The following FANCM variants were observed in gnomAD, a reference collection of about 807,000 sequenced individuals.
The protein encoded by FANCM is Fanconi anemia group M protein.
A neutral mutation model predicts 199.5 loss-of-function variants in FANCM; 140 were observed. The ratio of observed to expected loss-of-function variants is 0.70; its 90% confidence interval spans 0.61 to 0.81. The LOEUF is 0.81. FANCM is among the 30% of genes least tolerant of loss of function. The probability of loss-of-function intolerance (pLI) is 0.00; values close to 1 mark genes in which losing one functional copy is unlikely to be tolerated. For synonymous variants in FANCM, 840 were observed against 836.8 expected (o/e 1.00, Z -0.07); for missense variants, 2,410 against 2,421.4 (o/e 1.00, Z 0.10).
chr14:45,195,461 T>G (rs760346232), intron 20 of FANCM: 7 of 443,626 alleles, frequency 1.6e-5, no homozygotes, highest in Non-Finnish European at 3.1e-5. Flanking sequence ...TAATAAACGT[T>G]TAACTGTTTT....
intron 4 of FANCM, among the ~76,000 whole-genome samples, chr14:45,150,637 A>ATCAT (rs1886752207): frequency 6.6e-6 from 1 of 152,192 alleles, no homozygotes; most frequent in Non-Finnish European, 1.5e-5. Flanking sequence ...GACATACCTT[A>ATCAT]TCATTCACAT....
intron 14 of FANCM, 92 bp from the exon 15 acceptor site, chr14:45,181,338 A>G (rs1889053022): frequency 1.4e-6 from 1 of 706,820 alleles, no homozygotes; most frequent in East Asian, 2.7e-5. Context: ...TGCGTGAAAT[A>G]ATTCTTAATG....
chr14:45,139,523 A>G (rs896893384), intron 2 of FANCM, among the ~76,000 whole-genome samples: 4 of 152,200 alleles, frequency 2.6e-5, no homozygotes, highest in Admixed American at 6.5e-5. Context: ...GAATCTGGCA[A>G]ATTATCCCAG....
chr14:45,169,411 A>G (rs1259617133), intron 11 of FANCM, among the ~76,000 whole-genome samples: 2 of 125,520 alleles, frequency 1.6e-5, no homozygotes, highest in African/African-American at 6.0e-5. Context: ...TTAATTTTTT[A>G]TTTTTTACAT....
At chr14:45,187,445 A>C (rs1889473944) in intron 18 of FANCM, among the ~76,000 whole-genome samples, 1 of 151,904 alleles carries the variant, frequency 6.6e-6, no homozygotes, top group African/African-American at 2.4e-5. Flanking sequence ...TTTTTTTGAA[A>C]CTTCTATAAA....
intron 10 of FANCM, among the ~76,000 whole-genome samples, chr14:45,165,457 A>T (rs1412160073): frequency 6.6e-6 from 1 of 152,138 alleles, no homozygotes; most frequent in Non-Finnish European, 1.5e-5. Context: ...CTGAGGCAGG[A>T]GAATCGCTTG....
intron 11 of FANCM, chr14:45,167,379 T>TA: frequency 1.9e-6 from 1 of 532,466 alleles, no homozygotes; most frequent in Non-Finnish European, 3.3e-6. Flanking sequence ...TGGGGAAAAT[T>TA]AAACATACCC....
At chr14:45,171,949 TA>T (rs1888369253) in intron 12 of FANCM, among the ~76,000 whole-genome samples, 1 of 152,176 alleles carries the variant, frequency 6.6e-6, no homozygotes, top group African/African-American at 2.4e-5. Context: ...TATTGCCTAG[TA>T]GCTGTACTAA....
intron 12 of FANCM, among the ~76,000 whole-genome samples, chr14:45,172,606 AAAAT>A (rs1158275990): frequency 6.6e-6 from 1 of 152,310 alleles, no homozygotes; most frequent in Admixed American, 6.5e-5. Context: ...ACCAAAACAA[AAAAT>A]AAAATTTTTG....
chr14:45,155,219 T>TA (rs1292247586), intron 7 of FANCM, among the ~76,000 whole-genome samples, 154 bp from the exon 8 acceptor site: 1 of 152,126 alleles, frequency 6.6e-6, no homozygotes, highest in Admixed American at 6.5e-5. Flanking sequence ...CAGTAAGACT[T>TA]ACGTGCTACC....
chr14:45,141,319 A>G (rs1885923543), intron 3 of FANCM, among the ~76,000 whole-genome samples: 2 of 151,500 alleles, frequency 1.3e-5, no homozygotes, highest in Admixed American at 1.3e-4. Context: ...GAAAGCAAAA[A>G]ACAAAAAACA....
rs2139215298 is a variant in FANCM at position 45,167,131 on chromosome 14, A to C, written c.1970A>C (p.Gln657Pro). The C allele has an allele frequency of 6.2e-7, 1 of 1,612,772 alleles. No individual in the cohort carries two copies. Among genetic ancestry groups the C allele is most frequent in the East Asian group, 2.2e-5 (1 of 44,850 alleles). The change falls in exon 11 of 23, where the codon CAG becomes CCG. Residue 657 changes from glutamine (Q) to proline (P), a missense_variant. By Grantham distance (76) the Gln-to-Pro change is moderately conservative. Coordinates refer to ENST00000267430, the MANE Select transcript of FANCM (RefSeq NM_020937.4). ...YEPEKPSRNL[Q>P]RKSSIFSYRD... Reference sequence around the variant, plus strand: ...CCAGAGAAGCCTTCTCGGAACTTGCAGCGAAAGTCATCTATCTTTTCCTAT... The same window carrying C: ...CCAGAGAAGCCTTCTCGGAACTTGCCGCGAAAGTCATCTATCTTTTCCTAT...
At position 45,176,481 on chromosome 14, in the gene FANCM, G is replaced by T; in HGVS notation, c.3727G>T (p.Asp1243Tyr). ...DLGFCSPDSD[D>Y]EILEHTSDSN... ...AGGATTCTGTAGTCCAGATTCTGAT[G>T]ATGAAATATTGGAACATACATCAGA... Residue 1243 changes from aspartate to tyrosine, a missense_variant, in exon 14 of 23, where the codon GAT becomes TAT. Asp to Tyr is a radical substitution (Grantham distance 160, BLOSUM62 -3). Transcript: ENST00000267430. 1 of 1,609,438 alleles carries T rather than the reference G, an allele frequency of 6.2e-7. No individual in the cohort carries two copies. The highest frequency in any genetic ancestry group is 8.5e-7 in the Non-Finnish European group (1 of 1,177,900).
At position 45,157,903 on chromosome 14, in the gene FANCM, A is replaced by G. The variant is rs141455956; in HGVS notation, c.1397-1193A>G. Among the ~76,000 whole-genome samples, 1,380 of 152,314 alleles carry G rather than the reference A, an allele frequency of 9.1e-3. 33 individuals are homozygous for G. The highest frequency in any genetic ancestry group is 0.052 in the East Asian group (268 of 5,188). On this transcript the variant is annotated intron_variant, in intron 8 of 22. Transcript: ENST00000267430. ...AACACATATGATGATTAAGATAATAAAAATCAGTAGAGGTTGGATGTCGTG... is the reference window on the plus strand; with the variant it reads ...AACACATATGATGATTAAGATAATAGAAATCAGTAGAGGTTGGATGTCGTG...
Position 45,196,399 on chromosome 14 carries a change from C to G in FANCM, c.5568C>G (p.Ile1856Met), listed in dbSNP as rs771670832. ...EVCPLNGCDY[I>M]VSNRMVVERR... ...GTCCTCTTAATGGCTGTGATTACAT[C>G]GTGAGTAATCGCATGGTGGTGGAAA... is the stretch of plus-strand genomic sequence containing the variant. Residue 1856 changes from isoleucine (I) to methionine (M), a missense_variant, in exon 21 of 23, where the codon ATC (isoleucine) becomes ATG (methionine). Physicochemically the swap from Ile to Met is conservative, Grantham distance 10 (BLOSUM62 1). Transcript: ENST00000267430. 1.2e-6 allele frequency: 2 copies of G among 1,613,944 alleles called. No individual in the cohort carries two copies. The highest frequency in any genetic ancestry group is 1.7e-6 in the Non-Finnish European group (2 of 1,179,910).
rs1268796488 is a variant in FANCM at position 45,176,833 on chromosome 14, C to T, written c.4079C>T (p.Thr1360Ile). The change falls in exon 14 of 23, where the codon ACA becomes ATA. Residue 1360 changes from threonine to isoleucine, a missense_variant. Coordinates refer to ENST00000267430, the MANE Select transcript of FANCM (RefSeq NM_020937.4). The stretch of plus-strand genomic sequence containing the variant: ...AAGATAAGAAAGGAAATACTTAAGA[C>T]ACCAGATTCTAGTAAGGAAAAAGTA... Reference protein sequence around the residue: ...FSKIRKEILKTPDSSKEKVNL... With the variant: ...FSKIRKEILKIPDSSKEKVNL... 4 of 1,607,192 alleles carry T rather than the reference C, an allele frequency of 2.5e-6. No homozygotes were observed. Among genetic ancestry groups the T allele is most frequent in the African/African-American group, 2.7e-5 (2 of 74,672 alleles).
At chr14:45,188,734 G>C in intron 19 of FANCM, 68 bp from the exon 20 acceptor site, 1 of 1,169,568 alleles carries the variant, frequency 8.6e-7, no homozygotes, top group Non-Finnish European at 1.3e-6. Flanking sequence ...CATGTGCCTA[G>C]AAGTATATTT....
In FANCM at chr14:45,183,845, T is replaced by G. The variant is rs747537331; in HGVS notation, c.4458T>G (p.Val1486=). ...GTTCACAATTAGAAGACTTCAAGGTTTGTAACGGGAATGCCAGAAGAGGCA... is the reference window on the plus strand; with the variant it reads ...GTTCACAATTAGAAGACTTCAAGGTGTGTAACGGGAATGCCAGAAGAGGCA... The part of the protein sequence containing the change: ...KPCSQLEDFK[V]CNGNARRGIK... The change falls in exon 17 of 23, where the codon GTT becomes GTG. Residue 1486 remains valine (V), a synonymous_variant. Coordinates refer to ENST00000267430, the MANE Select transcript of FANCM (RefSeq NM_020937.4). 6.2e-7 allele frequency: 1 copy of G among 1,610,910 alleles called. No individual in the cohort carries two copies. Among genetic ancestry groups the G allele is most frequent in the African/African-American group, 1.3e-5 (1 of 74,860 alleles).
chr14:45,180,994 GA>G (rs1889030527), intron 14 of FANCM: 1 of 179,684 alleles, frequency 5.6e-6, no homozygotes, highest in South Asian at 1.2e-4. Context: ...ATATAACAAA[GA>G]ATCTTTTAAT....
Sources: gnomAD v4.1 joint callset for allele counts (sites outside exome capture counted in the v4.1 genomes callset) on GRCh38, gnomAD v4.1.1 for gene constraint, MANE v1.5 for transcripts, NCBI Gene and HGNC (gene_info 2026-07-23, HGNC 2026-07-21) for gene names.